The following RASGRF2 variants were observed in gnomAD, a reference collection of about 807,000 sequenced individuals.
RASGRF2 encodes the protein Ras protein specific guanine nucleotide releasing factor 2.
RASGRF2 carries 76 observed loss-of-function variants against 151.0 expected under a neutral mutation model. The observed-to-expected ratio is 0.50, with a 90% CI of 0.42 to 0.61. RASGRF2 has a LOEUF of 0.61. RASGRF2 is among the 20% of genes least tolerant of loss of function. The pLI is 0.00. For synonymous variants in RASGRF2, 504 were observed against 566.5 expected (o/e 0.89, Z 1.57); for missense variants, 1,148 against 1,564.6 (o/e 0.73, Z 4.49).
At chr5:80,971,995 A>C (rs1747952895) in intron 1 of RASGRF2, among the ~76,000 whole-genome samples, 1 of 152,102 alleles carries the variant, frequency 6.6e-6, no homozygotes, top group African/African-American at 2.4e-5. Context: ...TTGGCCTCCC[A>C]AAGTGCTGGG....
intron 1 of RASGRF2, among the ~76,000 whole-genome samples, chr5:81,016,091 C>G (rs990013192): frequency 1.3e-5 from 2 of 152,128 alleles, no homozygotes; most frequent in East Asian, 3.8e-4. Flanking sequence ...TTGGCTATCT[C>G]TCTGTAAACA....
chr5:81,013,213 T>G (rs951291869), intron 1 of RASGRF2, among the ~76,000 whole-genome samples: 1 of 152,220 alleles, frequency 6.6e-6, no homozygotes, highest in East Asian at 1.9e-4. Context: ...TTGATCAGTT[T>G]TTCAGTCTTC....
chr5:81,017,336 C>T (rs560113007), intron 1 of RASGRF2, among the ~76,000 whole-genome samples: 44 of 152,236 alleles, frequency 2.9e-4, no homozygotes, highest in Non-Finnish European at 4.3e-4. Flanking sequence ...CAAAGTGGGA[C>T]TTGCCAGAGT....
Position 81,085,796 on chromosome 5 carries a change from A to C in RASGRF2, c.1162-6A>C. The C allele has an allele frequency of 6.2e-7, 1 of 1,614,094 alleles. No homozygotes were observed. ...CTTGCTCATACTGGCCTCTGTTTGC[A>C]TCTAGATCCCCAGATATATCATCAC... On this transcript the variant is annotated splice_region_variant and splice_polypyrimidine_tract_variant and intron_variant, in intron 7 of 26. Coordinates refer to ENST00000265080, the MANE Select transcript of RASGRF2 (RefSeq NM_006909.3).
intron 1 of RASGRF2, among the ~76,000 whole-genome samples, chr5:80,976,919 A>G (rs944188693): frequency 2.0e-5 from 3 of 152,200 alleles, no homozygotes; most frequent in Non-Finnish European, 2.9e-5. Context: ...CACATTGGCA[A>G]ACTGCAACCT....
chr5:80,990,439 G>A (rs1026162274), intron 1 of RASGRF2, among the ~76,000 whole-genome samples: 1 of 152,058 alleles, frequency 6.6e-6, no homozygotes, highest in South Asian at 2.1e-4. Context: ...GAAAGGAGTC[G>A]GGAGGGGGCT....
intron 18 of RASGRF2, among the ~76,000 whole-genome samples, chr5:81,192,308 G>C (rs1156990168): frequency 6.6e-6 from 1 of 152,206 alleles, no homozygotes; most frequent in African/African-American, 2.4e-5. Context: ...AGTAAGTATT[G>C]AACGTGTATT....
At chr5:81,103,366 A>G (rs1023129856) in intron 12 of RASGRF2, among the ~76,000 whole-genome samples, 4 of 152,094 alleles carry the variant, frequency 2.6e-5, no homozygotes, top group African/African-American at 9.7e-5. Context: ...CTACATACCT[A>G]TAGAATATAG....
intron 1 of RASGRF2, among the ~76,000 whole-genome samples, chr5:80,976,552 T>A (rs1222272759): frequency 6.6e-6 from 1 of 152,140 alleles, no homozygotes; most frequent in Admixed American, 6.6e-5. Context: ...ATGTGCTGGG[T>A]TCTGTGCTGA....
chr5:81,028,429 TCA>T (rs919259775), intron 1 of RASGRF2, among the ~76,000 whole-genome samples: 2 of 152,034 alleles, frequency 1.3e-5, no homozygotes, highest in Admixed American at 6.6e-5. Context: ...TTTTAGAATC[TCA>T]GTTTTCAGGC....
At chr5:81,141,729 G>C (rs995621281) in intron 17 of RASGRF2, among the ~76,000 whole-genome samples, 1 of 152,164 alleles carries the variant, frequency 6.6e-6, no homozygotes, top group African/African-American at 2.4e-5. Context: ...AGACACAGCA[G>C]TTTGGGGACT....
chr5:81,141,428 A>G (rs555833272), intron 17 of RASGRF2, among the ~76,000 whole-genome samples: 1 of 152,228 alleles, frequency 6.6e-6, no homozygotes, highest in African/African-American at 2.4e-5. Flanking sequence ...GTCTCTCTTC[A>G]TCTCACGTTA....
chr5:81,117,416 C>A (rs1014290336), intron 15 of RASGRF2, among the ~76,000 whole-genome samples: 1 of 152,100 alleles, frequency 6.6e-6, no homozygotes, highest in Non-Finnish European at 1.5e-5. Flanking sequence ...GAGAGGGGGC[C>A]AAACTTAGGC....
chr5:81,006,074 A>G (rs1423241646), intron 1 of RASGRF2, among the ~76,000 whole-genome samples: 1 of 152,236 alleles, frequency 6.6e-6, no homozygotes, highest in African/African-American at 2.4e-5. Flanking sequence ...ATTTCAAACA[A>G]CTTGGACTTT....
At chr5:81,032,824 G>A (rs1750314524) in intron 1 of RASGRF2, among the ~76,000 whole-genome samples, 1 of 152,040 alleles carries the variant, frequency 6.6e-6, no homozygotes, top group Non-Finnish European at 1.5e-5. Context: ...AAGAAATAAA[G>A]GGTATTCAAT....
In RASGRF2 at chr5:81,114,264, G is replaced by A. The variant is rs116296773; in HGVS notation, c.2470+344G>A. Among the ~76,000 whole-genome samples, 762 of 152,344 alleles carry A rather than the reference G, an allele frequency of 5.0e-3. 7 individuals are homozygous for A. The highest frequency in any genetic ancestry group is 0.017 in the African/African-American group (702 of 41,574). ...AGCCTAGCATGGTGCTTTGCACACT[G>A]GGAGGTTGTGGGTACCCTCACCCGT... On this transcript the variant is annotated intron_variant, in intron 15 of 26. Coordinates refer to ENST00000265080, the MANE Select transcript of RASGRF2 (RefSeq NM_006909.3).
chr5:81,106,680 T>C (rs535486676), intron 12 of RASGRF2, among the ~76,000 whole-genome samples: 1 of 152,292 alleles, frequency 6.6e-6, no homozygotes, highest in South Asian at 2.1e-4. Context: ...GACAGAACTT[T>C]CCCATAGAGA....
At chr5:81,217,620 C>T in intron 25 of RASGRF2, 147 bp downstream of exon 25, 1 of 669,348 alleles carries the variant, frequency 1.5e-6, no homozygotes, top group Non-Finnish European at 2.2e-6. Context: ...CAGTCTATCG[C>T]CCAGGCTGGA....
At chr5:81,010,114 A>G (rs1580199903) in intron 1 of RASGRF2, among the ~76,000 whole-genome samples, 1 of 151,576 alleles carries the variant, frequency 6.6e-6, no homozygotes, top group Middle Eastern at 3.4e-3. Flanking sequence ...AGATCGTGCC[A>G]CTGTACTCCA....
Sources: allele counts gnomAD v4.1 joint callset (sites outside exome capture counted in the v4.1 genomes callset), GRCh38; gene constraint gnomAD v4.1.1; transcripts MANE v1.5; gene names NCBI Gene and HGNC (gene_info 2026-07-23, HGNC 2026-07-21).